Variants in SF3B2 observed in about 807,000 individuals in gnomAD.
The protein encoded by SF3B2 is splicing factor 3b subunit 2.
SF3B2 carries 22 observed loss-of-function variants against 116.3 expected under a neutral mutation model. The observed-to-expected ratio is 0.19, with a 90% CI of 0.14 to 0.27. The LOEUF (loss-of-function observed/expected upper bound fraction) is 0.27. SF3B2 is among the 10% of genes least tolerant of loss of function. The pLI, the probability that SF3B2 is intolerant of heterozygous loss-of-function variation, is 1.00. For missense variants in SF3B2, 767 were observed against 1,151.4 expected, an observed-to-expected ratio of 0.67 and a Z score of 4.83; for synonymous variants, 406 against 421.6, an observed-to-expected ratio of 0.96 and a Z score of 0.45.
In SF3B2 at chr11:66,060,624, C is replaced by T; in HGVS notation, c.1672C>T (p.Arg558Trp). Residue 558 changes from arginine to tryptophan, a missense_variant, in exon 14 of 22, where the codon CGG (arginine) becomes TGG (tryptophan). This residue lies in a region of SF3B2 where 282 missense variants were observed against 568.0 expected (regional missense o/e 0.50). Coordinates refer to ENST00000322535, the MANE Select transcript of SF3B2 (RefSeq NM_006842.3). ...TMKSKMREKVRPKMGKIDIDY... is the reference protein window; with the variant it reads ...TMKSKMREKVWPKMGKIDIDY... ...GAAGTCAAAAATGCGAGAGAAAGTTCGGCCTAAGATGGGCAAAATTGACAT... is the reference window on the plus strand; with the variant it reads ...GAAGTCAAAAATGCGAGAGAAAGTTTGGCCTAAGATGGGCAAAATTGACAT... 1 of 1,614,114 alleles carries T rather than the reference C, an allele frequency of 6.2e-7. No individual in the cohort carries two copies.
rs951174156 is a variant in SF3B2 at position 66,058,868 on chromosome 11, G to A, written c.1005G>A (p.Lys335=). The stretch of plus-strand genomic sequence containing the variant: ...GTAGGAACCGAAAGAAGAAGAAAAA[G>A]CCCCAGCGGGTGCGAGGGGTGTCCT... ...RKRRNRKKKK[K]PQRVRGVSSE... Residue 335 remains lysine (K), a synonymous_variant, in exon 10 of 22, where the codon AAG becomes AAA. Transcript: ENST00000322535. The A allele has an allele frequency of 6.2e-6, 10 of 1,613,100 alleles. No individual in the cohort carries two copies. Among genetic ancestry groups the A allele is most frequent in the East Asian group, 2.2e-5 (1 of 44,878 alleles).
At position 66,052,666 on chromosome 11, in the gene SF3B2, C is replaced by T. The variant is rs369671567; in HGVS notation, c.134-7C>T. ...CTGCCCCATTGATCGTGTACTTTGCCCTGCAGGTAATCGCGAGGAGCTGGT... is the reference window on the plus strand; with the variant it reads ...CTGCCCCATTGATCGTGTACTTTGCTCTGCAGGTAATCGCGAGGAGCTGGT... On this transcript the variant is annotated splice_polypyrimidine_tract_variant and splice_region_variant and intron_variant, in intron 1 of 21. Coordinates refer to ENST00000322535, the MANE Select transcript of SF3B2 (RefSeq NM_006842.3). The T allele has an allele frequency of 8.9e-5, 142 of 1,595,560 alleles. 1 individual carries two copies. The highest frequency in any genetic ancestry group is 2.0e-4 in the Admixed American group (11 of 55,556).
In SF3B2 at chr11:66,059,006, C is replaced by T. The variant is rs1036248555; in HGVS notation, c.1143C>T (p.Pro381=). 18 of 1,613,980 alleles carry T rather than the reference C, an allele frequency of 1.1e-5. No individual in the cohort carries two copies. The highest frequency in any genetic ancestry group is 5.3e-5 in the African/African-American group (4 of 74,868). ...YVTEEPEIYE[P]NFIFFKRIFE... ...CTGAAGAACCTGAAATTTACGAGCC[C>T]AACTTTATCTTCTTTAAGAGGATCT... Residue 381 remains proline (P), a synonymous_variant, in exon 10 of 22, where the codon CCC becomes CCT. Transcript: ENST00000322535. This position sits in a 1 kb window ranked among gnomAD's most constrained non-coding sequence, Gnocchi z 5.0.
rs185761983 is a variant in SF3B2, at chr11:66,055,595, C to T, written c.549+10C>T. 6.2e-7 allele frequency: 1 copy of T among 1,613,756 alleles called. No homozygotes were observed. The highest frequency in any genetic ancestry group is 1.7e-5 in the Admixed American group (1 of 60,024). ...GGAGCAGCAGAAGCGGGTAATACCCCTCCCCCTAACCTTTGACCTCGTGGT... is the reference window on the plus strand; with the variant it reads ...GGAGCAGCAGAAGCGGGTAATACCCTTCCCCCTAACCTTTGACCTCGTGGT... On this transcript the variant is annotated intron_variant, in intron 5 of 21. Coordinates refer to ENST00000322535, the MANE Select transcript of SF3B2 (RefSeq NM_006842.3).
chr11:66,067,018 C>G, intron 19 of SF3B2: 1 of 188,592 alleles, frequency 5.3e-6, no homozygotes, highest in South Asian at 9.4e-5. Context: ...AAGGGCTCAT[C>G]ACATTTGTTT....
At chr11:66,066,905 TCA>T (rs1857197771) in intron 19 of SF3B2, 1 of 158,548 alleles carries the variant, frequency 6.3e-6, no homozygotes, top group African/African-American at 2.4e-5. Flanking sequence ...CCCTGGACTT[TCA>T]GTTTCATCCT....
intron 3 of SF3B2, 23 bp downstream of exon 3, chr11:66,053,127 T>G: frequency 1.2e-6 from 2 of 1,604,644 alleles, no homozygotes; most frequent in Non-Finnish European, 1.7e-6. Context: ...TTCTGTTTTT[T>G]AAGATTCCAT....
At chr11:66,060,761 T>C (rs760477414) in intron 14 of SF3B2, 30 bp downstream of exon 14, 1 of 1,611,432 alleles carries the variant, frequency 6.2e-7, no homozygotes, top group Non-Finnish European at 8.5e-7. Flanking sequence ...GAGGTCAGGC[T>C]GGGCCTTGGG....
intron 9 of SF3B2, 34 bp downstream of exon 9, chr11:66,058,439 A>G: frequency 1.3e-6 from 2 of 1,520,726 alleles, no homozygotes; most frequent in East Asian, 4.5e-5. Context: ...AAGGAAAGCC[A>G]GGAGATGGGA....
At chr11:66,057,060 A>G (rs1038720958) in intron 6 of SF3B2, 105 bp downstream of exon 6, 17 of 887,984 alleles carry the variant, frequency 1.9e-5, no homozygotes, top group Non-Finnish European at 2.8e-5. Context: ...TATAGTAAAT[A>G]TATAGTTTAA....
intron 13 of SF3B2, 128 bp from the exon 14 acceptor site, chr11:66,060,454 A>T (rs758399409): frequency 1.0e-5 from 11 of 1,102,528 alleles, no homozygotes; most frequent in Non-Finnish European, 1.4e-5. Flanking sequence ...TTTAGCAGGA[A>T]GGATTTTGAT....
intron 5 of SF3B2, chr11:66,055,990 A>G (rs1856987099): frequency 5.0e-6 from 1 of 198,298 alleles, no homozygotes; most frequent in South Asian, 1.6e-4. Context: ...TATTGGATTT[A>G]GACAGAATAG....
chr11:66,060,080 G>A (rs761118394), intron 13 of SF3B2, 71 bp downstream of exon 13: 4 of 1,428,034 alleles, frequency 2.8e-6, no homozygotes, highest in Non-Finnish European at 2.9e-6. Context: ...CTTCAAAATG[G>A]GAATCTGGTT....
chr11:66,052,620 G>T (rs984369589), intron 1 of SF3B2, 53 bp from the exon 2 acceptor site: 1 of 1,593,642 alleles, frequency 6.3e-7, no homozygotes, highest in Non-Finnish European at 8.5e-7. Flanking sequence ...GGCCGCTGGG[G>T]CCTGACCTGG....
At chr11:66,063,788 C>G in intron 19 of SF3B2, 59 bp downstream of exon 19, 1 of 1,366,508 alleles carries the variant, frequency 7.3e-7, no homozygotes, top group Non-Finnish European at 1.0e-6. Context: ...GGCTGGCTGG[C>G]TGACTGTTGT....
chr11:66,062,389 C>G (rs1303980825), intron 16 of SF3B2, among the ~76,000 whole-genome samples: 1 of 151,214 alleles, frequency 6.6e-6, no homozygotes, highest in Admixed American at 6.6e-5. Context: ...GTAATCCCAG[C>G]ACTTTGGGAG....
intron 21 of SF3B2, 97 bp from the exon 22 acceptor site, chr11:66,068,577 A>C: frequency 9.1e-7 from 1 of 1,101,428 alleles, no homozygotes; most frequent in South Asian, 1.3e-5. Flanking sequence ...CGCCTTTCCC[A>C]CAGACTTCTA....
intron 3 of SF3B2, among the ~76,000 whole-genome samples, chr11:66,054,699 A>G (rs1856961724): frequency 6.6e-6 from 1 of 152,084 alleles, no homozygotes; most frequent in African/African-American, 2.4e-5. Flanking sequence ...AGTCCTCTCA[A>G]TTTCCATGTT....
intron 3 of SF3B2, among the ~76,000 whole-genome samples, chr11:66,054,364 C>T (rs1039823246): frequency 5.3e-5 from 8 of 151,798 alleles, no homozygotes; most frequent in African/African-American, 1.9e-4. Context: ...GTAATCCCAG[C>T]TACTTGGGAG....
Sources: gnomAD v4.1 joint callset for allele counts (sites outside exome capture counted in the v4.1 genomes callset) on GRCh38, gnomAD v4.1.1 for gene constraint, gnomAD v4.1.1 regional missense constraint, Gnocchi (gnomAD v3.1) non-coding constraint, MANE v1.5 for transcripts, NCBI Gene and HGNC (gene_info 2026-07-23, HGNC 2026-07-21) for gene names.